PDE3A: variants seen among roughly 807,000 people sequenced by gnomAD.
PDE3A encodes cGMP-inhibited 3',5'-cyclic phosphodiesterase 3A.
In PDE3A, 43 loss-of-function variants were observed where a neutral mutation model predicts 98.3. That is an observed-to-expected ratio of 0.44 (90% confidence interval 0.34 to 0.56). The LOEUF (loss-of-function observed/expected upper bound fraction) is 0.56. Among genes scored for constraint, PDE3A ranks in the 20% least tolerant of loss-of-function variants. The pLI is 0.01. For missense variants in PDE3A, 1,427 were observed against 1,440.7 expected (o/e 0.99, Z 0.15); for synonymous variants, 663 against 567.9 (o/e 1.17, Z -2.38).
At chr12:20,581,151 A>G (rs1335107483) in intron 2 of PDE3A, among the ~76,000 whole-genome samples, 2 of 152,240 alleles carry the variant, frequency 1.3e-5, no homozygotes, top group African/African-American at 2.4e-5. Flanking sequence ...CACTCAGAAC[A>G]TTGGACTTAA....
intron 1 of PDE3A, among the ~76,000 whole-genome samples, chr12:20,463,327 A>G (rs1169926383): frequency 6.6e-6 from 1 of 152,212 alleles, no homozygotes; most frequent in Non-Finnish European, 1.5e-5. Context: ...TGCTGTCTGT[A>G]CATCTCCACT....
At chr12:20,383,207 A>T (rs1943692651) in intron 1 of PDE3A, among the ~76,000 whole-genome samples, 1 of 151,878 alleles carries the variant, frequency 6.6e-6, no homozygotes, top group Admixed American at 6.6e-5. Context: ...CAGAAACTTG[A>T]TTTGTGCTTT....
Position 20,370,135 on chromosome 12 carries a change from C to T in PDE3A, c.851C>T (p.Pro284Leu). The change falls in exon 1 of 16, where the codon CCG becomes CTG. Residue 284 changes from proline (P) to leucine (L), a missense_variant. By Grantham distance (98) the Pro-to-Leu change is moderately conservative. Transcript: ENST00000359062. ...ATTGCTGGGACCAAGGAAGATATCC[C>T]GGTGTTTAAGAGGAGGAGGCGGTCC... ...QLIAGTKEDI[P>L]VFKRRRRSSS... is the part of the protein sequence containing the mutation. 1 of 1,613,402 alleles carries T rather than the reference C, an allele frequency of 6.2e-7. No individual in the cohort carries two copies. The highest frequency in any genetic ancestry group is 8.5e-7 in the Non-Finnish European group (1 of 1,179,966).
rs58496505 is a variant in PDE3A at position 20,687,914 on chromosome 12, GAA to G, written c.*7665_*7666del. ...GACCAGTCATTACCTCTTCCCAACAGAAAAAAAAAAAAAAAAAAAAAAACTGG... is the reference window on the plus strand; with the variant it reads ...GACCAGTCATTACCTCTTCCCAACAGAAAAAAAAAAAAAAAAAAAAACTGG... On this transcript the variant is annotated 3_prime_UTR_variant, in exon 16 of 16. Transcript: ENST00000359062. Among the ~76,000 whole-genome samples the G allele has an allele frequency of 4.0e-3, 375 of 94,248 alleles. No individual in the cohort carries two copies. Among genetic ancestry groups the G allele is most frequent in the African/African-American group, 7.9e-3 (184 of 23,394 alleles). The allele number at this position is 94,248 out of a possible 152,430, so 61.8% of individuals were successfully genotyped here.
chr12:20,626,867 G>T (rs966724914), intron 5 of PDE3A, among the ~76,000 whole-genome samples: 2 of 152,192 alleles, frequency 1.3e-5, no homozygotes, highest in Middle Eastern at 3.4e-3. Context: ...TCTCTTACAG[G>T]TTTATTTTAA....
At position 20,532,687 on chromosome 12, in the gene PDE3A, C is replaced by CTT. The variant is rs137966114; in HGVS notation, c.961-23955_961-23954dup. Reference sequence around the variant, plus strand: ...GGTTTTTGTGTATTAGTTTCTCTCTCTTTTTTTTTTTTTTTTTTTGAGACG... The same window carrying CTT: ...GGTTTTTGTGTATTAGTTTCTCTCTCTTTTTTTTTTTTTTTTTTTTTGAGACG... On this transcript the variant is annotated intron_variant, in intron 1 of 15. Transcript: ENST00000359062. Among the ~76,000 whole-genome samples, 15 of 107,884 alleles carry CTT rather than the reference C, an allele frequency of 1.4e-4. No homozygotes were observed. In the East Asian group the frequency reaches 3.4e-3, roughly 25 times the overall value. The allele number at this position is 107,884 out of a possible 152,430, so 70.8% of individuals were successfully genotyped here.
At chr12:20,673,861 A>AC (rs1491418185) in intron 15 of PDE3A, among the ~76,000 whole-genome samples, 6 of 15,408 alleles carry the variant, frequency 3.9e-4, no homozygotes, top group African/African-American at 2.8e-4. Context: ...AAATAAAAAT[A>AC]AAAAAAATAA....
At chr12:20,623,208 A>G (rs73236344) in intron 5 of PDE3A, among the ~76,000 whole-genome samples, 2,197 of 152,184 alleles carry the variant, frequency 0.014, 40 homozygotes, top group African/African-American at 0.051. Context: ...TGGGAAGTAT[A>G]ATAGATTTTA....
chr12:20,557,362 T>A (rs1942396655), intron 2 of PDE3A: 1 of 152,252 alleles, frequency 6.6e-6, no homozygotes, highest in Non-Finnish European at 1.5e-5. Flanking sequence ...AAGGCTGAGC[T>A]TTACACTGAG....
intron 1 of PDE3A, among the ~76,000 whole-genome samples, chr12:20,487,367 C>T (rs1370101809): frequency 2.0e-5 from 3 of 151,472 alleles, no homozygotes; most frequent in Admixed American, 6.6e-5. Flanking sequence ...AATGAATTTA[C>T]AAAAAGGTGC....
chr12:20,531,613 G>C (rs937673961), intron 1 of PDE3A, among the ~76,000 whole-genome samples: 13 of 152,062 alleles, frequency 8.5e-5, no homozygotes, highest in Non-Finnish European at 1.5e-4. Flanking sequence ...GAGGTGACAT[G>C]AATTTCTGAA....
intron 1 of PDE3A, among the ~76,000 whole-genome samples, chr12:20,427,811 T>C (rs1376156069): frequency 6.6e-6 from 1 of 152,064 alleles, no homozygotes; most frequent in Admixed American, 6.5e-5. Flanking sequence ...TTTTGCAGCA[T>C]TGGATAGTAT....
At chr12:20,380,810 C>T (rs1822756) in intron 1 of PDE3A, among the ~76,000 whole-genome samples, 105,274 of 151,614 alleles carry the variant, frequency 0.69, 36,748 homozygotes, top group East Asian at 0.98. Context: ...TTTGAAAAAA[C>T]ATATTACAAA....
intron 2 of PDE3A, among the ~76,000 whole-genome samples, chr12:20,589,263 A>G (rs1433966242): frequency 6.6e-6 from 1 of 152,112 alleles, no homozygotes; most frequent in Admixed American, 6.6e-5. Context: ...TTTCTGGGAC[A>G]GTTAATTGAA....
intron 1 of PDE3A, among the ~76,000 whole-genome samples, chr12:20,488,975 T>C (rs1945781224): frequency 6.6e-6 from 1 of 152,132 alleles, no homozygotes; most frequent in African/African-American, 2.4e-5. Context: ...TTTTATATTT[T>C]AGTAAGTAGT....
intron 1 of PDE3A, among the ~76,000 whole-genome samples, chr12:20,550,516 A>G (rs760259320): frequency 6.6e-6 from 1 of 152,062 alleles, no homozygotes; most frequent in Non-Finnish European, 1.5e-5. Context: ...TATTATAATC[A>G]TCTTTAGTAT....
At chr12:20,412,652 G>T (rs1939398249) in intron 1 of PDE3A, among the ~76,000 whole-genome samples, 1 of 152,040 alleles carries the variant, frequency 6.6e-6, no homozygotes, top group Admixed American at 6.6e-5. Flanking sequence ...TGGAATATGG[G>T]GTATGTGTAA....
At chr12:20,604,615 T>TA (rs1301421620) in intron 2 of PDE3A, among the ~76,000 whole-genome samples, 2 of 152,176 alleles carry the variant, frequency 1.3e-5, no homozygotes, top group Non-Finnish European at 2.9e-5. Flanking sequence ...ATATTGAGTT[T>TA]AAAATACTAT....
chr12:20,553,059 G>T (rs1262469996), intron 1 of PDE3A: 3 of 1,164,398 alleles, frequency 2.6e-6, no homozygotes, highest in Non-Finnish European at 3.7e-6. Flanking sequence ...GTGTCGGAGG[G>T]CTCGTTCATC....
Sources: gnomAD v4.1 joint callset for allele counts (sites outside exome capture counted in the v4.1 genomes callset) on GRCh38, gnomAD v4.1.1 for gene constraint, MANE v1.5 for transcripts, NCBI Gene and HGNC (gene_info 2026-07-23, HGNC 2026-07-21) for gene names.